TSHZ2: variants seen among roughly 807,000 people sequenced by gnomAD.
TSHZ2 encodes the protein teashirt homolog 2.
In TSHZ2, 21 loss-of-function variants were observed where a neutral mutation model predicts 74.4. The ratio of observed to expected loss-of-function variants is 0.28; its 90% CI spans 0.20 to 0.41. TSHZ2 has a LOEUF of 0.41. TSHZ2 is among the 10% of genes least tolerant of loss of function. TSHZ2 has a pLI of 1.00. For missense variants in TSHZ2, 1,244 were observed against 1,293.5 expected (o/e 0.96, Z 0.59); for synonymous variants, 540 against 515.3 (o/e 1.05, Z -0.65).
chr20:53,470,571 T>G (rs1303083221), intron 2 of TSHZ2, among the ~76,000 whole-genome samples: 1 of 152,138 alleles, frequency 6.6e-6, no homozygotes, highest in African/African-American at 2.4e-5. Flanking sequence ...ATCCCAGTAC[T>G]TTGGGAGGCC....
At chr20:53,443,175 A>C (rs1453360971) in intron 2 of TSHZ2, among the ~76,000 whole-genome samples, 1 of 152,092 alleles carries the variant, frequency 6.6e-6, no homozygotes, top group Non-Finnish European at 1.5e-5. Flanking sequence ...TTTTTTCTGC[A>C]TACAAGTGGT....
At chr20:53,044,946 G>A (rs1276939072) in intron 1 of TSHZ2, among the ~76,000 whole-genome samples, 3 of 152,078 alleles carry the variant, frequency 2.0e-5, no homozygotes, top group Non-Finnish European at 2.9e-5. Flanking sequence ...TCCTGGCCTC[G>A]AGTGATCCTC....
intron 1 of TSHZ2, among the ~76,000 whole-genome samples, chr20:53,221,485 G>A (rs1242061263): frequency 1.3e-5 from 2 of 152,120 alleles, no homozygotes; most frequent in African/African-American, 2.4e-5. Context: ...TTCTGATCAG[G>A]CTACAGGAAA....
At chr20:53,405,902 T>A (rs1424805130) in intron 2 of TSHZ2, among the ~76,000 whole-genome samples, 1 of 151,782 alleles carries the variant, frequency 6.6e-6, no homozygotes, top group Non-Finnish European at 1.5e-5. Context: ...GAGGCTGAGG[T>A]GGGAGGATCA....
intron 2 of TSHZ2, among the ~76,000 whole-genome samples, chr20:53,467,926 A>C (rs911263940): frequency 6.6e-6 from 1 of 152,180 alleles, no homozygotes; most frequent in African/African-American, 2.4e-5. Flanking sequence ...CTTTTGTGAC[A>C]TAGTCAAATG....
At chr20:53,448,919 A>G (rs1468895708) in intron 2 of TSHZ2, among the ~76,000 whole-genome samples, 1 of 152,208 alleles carries the variant, frequency 6.6e-6, no homozygotes, top group Non-Finnish European at 1.5e-5. Flanking sequence ...TAAACCCTCA[A>G]AAAATGGATA....
chr20:53,432,565 A>G (rs9941748), intron 2 of TSHZ2, among the ~76,000 whole-genome samples: 7,040 of 152,258 alleles, frequency 0.046, 329 homozygotes, highest in African/African-American at 0.12. Context: ...TTCCATAGTG[A>G]TTGTACTAAT....
chr20:53,435,694 T>C (rs969700077), intron 2 of TSHZ2, among the ~76,000 whole-genome samples: 4 of 152,164 alleles, frequency 2.6e-5, no homozygotes, highest in Non-Finnish European at 5.9e-5. Context: ...TTTGTATTTT[T>C]AGTAGAGACG....
intron 1 of TSHZ2, among the ~76,000 whole-genome samples, chr20:53,046,310 C>T (rs1173215210): frequency 1.3e-5 from 2 of 152,154 alleles, no homozygotes; most frequent in African/African-American, 4.8e-5. Context: ...TCCACAGCCA[C>T]GTGACCTCCG....
In TSHZ2 at chr20:52,973,115, G is replaced by A. The variant is rs1455348637; in HGVS notation, c.-179G>A. ...CCGTGTCTGCCACCCAGAGAGGGGG[G>A]TCTCTGGCCCGTGGTGGAGGAGTTG... is the stretch of plus-strand genomic sequence containing the variant. On this transcript the variant is annotated 5_prime_UTR_variant, in exon 1 of 3. Transcript: ENST00000371497. The A allele has an allele frequency of 1.4e-6, 1 of 697,342 alleles. No individual in the cohort carries two copies. The highest frequency in any genetic ancestry group is 2.3e-6 in the Non-Finnish European group (1 of 430,046). The allele number at this position is 697,342 out of a possible 1,614,324, so 43.2% of individuals were successfully genotyped here.
chr20:53,056,584 C>G (rs575696860), intron 1 of TSHZ2, among the ~76,000 whole-genome samples: 2 of 152,286 alleles, frequency 1.3e-5, no homozygotes, highest in East Asian at 1.9e-4. Flanking sequence ...CTCAACTCAC[C>G]TAAGGACAGG....
intron 2 of TSHZ2, among the ~76,000 whole-genome samples, chr20:53,360,332 A>T (rs1981004071): frequency 6.6e-6 from 1 of 152,228 alleles, no homozygotes; most frequent in Non-Finnish European, 1.5e-5. Flanking sequence ...TAATTTACAC[A>T]GTACTAGAAT....
intron 1 of TSHZ2, among the ~76,000 whole-genome samples, chr20:53,110,703 T>A (rs1600695666): frequency 6.6e-6 from 1 of 152,050 alleles, no homozygotes; most frequent in East Asian, 1.9e-4. Flanking sequence ...CCAACAGCCA[T>A]GGCAGAGAAA....
chr20:53,049,575 C>T (rs1600665448), intron 1 of TSHZ2, among the ~76,000 whole-genome samples: 1 of 152,228 alleles, frequency 6.6e-6, no homozygotes, highest in East Asian at 1.9e-4. Flanking sequence ...AGGTAGTGCC[C>T]TCCATAAAGG....
At chr20:53,201,178 G>T (rs1306801158) in intron 1 of TSHZ2, among the ~76,000 whole-genome samples, 1 of 152,104 alleles carries the variant, frequency 6.6e-6, no homozygotes, top group Non-Finnish European at 1.5e-5. Context: ...CATTTGTAAA[G>T]GTTATTCATT....
intron 1 of TSHZ2, among the ~76,000 whole-genome samples, chr20:53,080,930 T>TA (rs1246773504): frequency 6.6e-6 from 1 of 152,224 alleles, no homozygotes; most frequent in African/African-American, 2.4e-5. Flanking sequence ...AAGGCAAAAA[T>TA]AACACTTCTT....
chr20:53,247,931 G>C (rs2123708589), intron 1 of TSHZ2, among the ~76,000 whole-genome samples: 1 of 152,300 alleles, frequency 6.6e-6, no homozygotes, highest in African/African-American at 2.4e-5. Context: ...GGTGACTACA[G>C]AAACGTATAC....
intron 1 of TSHZ2, among the ~76,000 whole-genome samples, chr20:53,202,339 C>T (rs924033610): frequency 6.6e-6 from 1 of 152,100 alleles, no homozygotes; most frequent in African/African-American, 2.4e-5. Flanking sequence ...TGTGAGACAT[C>T]GTGTTGGCTA....
At chr20:53,122,799 C>T (rs1986848063) in intron 1 of TSHZ2, among the ~76,000 whole-genome samples, 2 of 152,298 alleles carry the variant, frequency 1.3e-5, no homozygotes, top group South Asian at 2.1e-4. Context: ...TCTCCTCCTC[C>T]CAGCCAAAGT....
Sources: gnomAD v4.1 joint callset for allele counts (sites outside exome capture counted in the v4.1 genomes callset) on GRCh38, gnomAD v4.1.1 for gene constraint, MANE v1.5 for transcripts, NCBI Gene and HGNC (gene_info 2026-07-23, HGNC 2026-07-21) for gene names.